ART3: variants seen among roughly 807,000 people sequenced by gnomAD.
ART3 encodes ecto-ADP-ribosyltransferase 3.
A neutral mutation model predicts 48.5 loss-of-function variants in ART3; 49 were observed. That is an observed-to-expected ratio of 1.01 (90% CI 0.80 to 1.28). ART3 has a LOEUF of 1.28. ART3 is among the 50% of genes most tolerant of loss of function. The pLI, the probability that ART3 is intolerant of heterozygous loss-of-function variation, is 0.00. For synonymous variants in ART3, 145 were observed against 157.2 expected (o/e 0.92, Z 0.58); for missense variants, 438 against 454.3 (o/e 0.96, Z 0.33).
chr4:76,029,137 A>G (rs2149391177), intron 1 of ART3, among the ~76,000 whole-genome samples: 1 of 152,264 alleles, frequency 6.6e-6, no homozygotes. Context: ...TAATTGATTC[A>G]TCATTGGTTG....
chr4:76,072,341 A>C (rs921675819), upstream of ART3, among the ~76,000 whole-genome samples: 3 of 152,218 alleles, frequency 2.0e-5, no homozygotes, highest in Non-Finnish European at 2.9e-5. Flanking sequence ...TAATCTACAA[A>C]AGTCGGATTT....
chr4:76,028,178 A>G (rs1359020393), intron 1 of ART3, among the ~76,000 whole-genome samples: 7 of 91,942 alleles, frequency 7.6e-5, no homozygotes, highest in Non-Finnish European at 8.3e-5. Context: ...ATTTAGAAAA[A>G]AAAAATCAAA....
rs1447938796 is a variant in ART3 at position 76,033,070 on chromosome 4, G to C, written c.-10+21750G>C. ...AATATTTTTATTTTTCAAATGTATG[G>C]GTGCCTATATAGAGAGTACTGCTAT... is the stretch of plus-strand genomic sequence containing the variant. On this transcript the variant is annotated intron_variant, in intron 1 of 9. Transcript: ENST00000341029. Among the ~76,000 whole-genome samples the C allele has an allele frequency of 2.0e-5, 3 of 151,970 alleles. No homozygotes were observed. In the South Asian group the frequency reaches 6.3e-4, roughly 32 times the overall value.
At chr4:76,061,310 T>C (rs1051917806) in intron 1 of ART3, among the ~76,000 whole-genome samples, 1 of 152,164 alleles carries the variant, frequency 6.6e-6, no homozygotes, top group African/African-American at 2.4e-5. Flanking sequence ...TGGGGGTCAG[T>C]TTAAACTCCT....
At chr4:76,071,753 T>C (rs763536335), upstream of ART3, among the ~76,000 whole-genome samples, 2 of 152,238 alleles carry the variant, frequency 1.3e-5, no homozygotes, top group African/African-American at 2.4e-5. Flanking sequence ...GTCTTCTCCA[T>C]GTCAATCAAT....
rs117093237 is a variant in ART3, at chr4:76,088,425, C to T, written c.781+5890C>T. On this transcript the variant is annotated intron_variant, in intron 3 of 11. Transcript: ENST00000355810. ...ATAGAAAGGAGGAGCCTGTAGACTC[C>T]AGTGGCTAGTAGTATTATTTTGTAG... 4.7e-4 allele frequency among the ~76,000 whole-genome samples: 71 copies of T among 152,098 alleles called. 1 individual carries two copies. In the East Asian group the frequency reaches 0.013, roughly 29 times the overall value.
At chr4:76,087,660 T>C (rs1723912012) in intron 3 of ART3, among the ~76,000 whole-genome samples, 1 of 152,210 alleles carries the variant, frequency 6.6e-6, no homozygotes, top group Admixed American at 6.5e-5. Context: ...ATATATATTG[T>C]GAGTTTTTCA....
chr4:76,068,664 A>C (rs115656209), intron 1 of ART3, among the ~76,000 whole-genome samples: 49,100 of 145,276 alleles, frequency 0.34, 9,478 homozygotes, highest in African/African-American at 0.53. Context: ...ATAGAGGATA[A>C]AAAAAAAAAT....
chr4:76,047,080 G>A (rs1735582881), intron 1 of ART3, among the ~76,000 whole-genome samples: 1 of 151,956 alleles, frequency 6.6e-6, no homozygotes. Flanking sequence ...TTCATCCTCT[G>A]GGGCAGTGCA....
upstream of ART3, among the ~76,000 whole-genome samples, chr4:76,074,491 AG>A (rs1720661829): frequency 6.6e-6 from 1 of 152,200 alleles, no homozygotes; most frequent in Non-Finnish European, 1.5e-5. Context: ...CTCTGAGAGA[AG>A]CCCAGAACTG....
intron 2 of ART3, among the ~76,000 whole-genome samples, chr4:76,076,591 C>A (rs147898208): frequency 2.9e-3 from 443 of 152,244 alleles, no homozygotes; most frequent in African/African-American, 9.5e-3. Flanking sequence ...AAAATGGGTT[C>A]ACACTGTACA....
chr4:76,102,638 G>A (rs11097232), intron 8 of ART3, among the ~76,000 whole-genome samples: 78,527 of 147,184 alleles, frequency 0.53, 22,243 homozygotes, highest in East Asian at 0.98. Context: ...ATTGGATATA[G>A]AACTGCATAT....
chr4:76,090,097 T>A (rs1031129990), intron 3 of ART3, among the ~76,000 whole-genome samples: 1 of 152,030 alleles, frequency 6.6e-6, no homozygotes, highest in Non-Finnish European at 1.5e-5. Flanking sequence ...AATAAATAAA[T>A]AAAAATATTC....
At chr4:76,084,391 T>G (rs1319850005) in intron 3 of ART3, among the ~76,000 whole-genome samples, 1 of 152,256 alleles carries the variant, frequency 6.6e-6, no homozygotes, top group Non-Finnish European at 1.5e-5. Context: ...CCTTTAAGCT[T>G]GATTAATAGT....
At chr4:76,035,348 A>C (rs934836960) in intron 1 of ART3, 47 of 1,613,456 alleles carry the variant, frequency 2.9e-5, no homozygotes, top group Non-Finnish European at 3.8e-5. Flanking sequence ...GAAGCCTAGA[A>C]TAGATCATAG....
rs911856683 is a variant in ART3, at chr4:76,045,176, A to G, written c.-9-30705A>G. 3.9e-5 allele frequency among the ~76,000 whole-genome samples: 6 copies of G among 151,908 alleles called. 1 individual carries two copies. Among genetic ancestry groups the G allele is most frequent in the Non-Finnish European group, 8.8e-5 (6 of 67,936 alleles). On this transcript the variant is annotated intron_variant, in intron 1 of 9. Transcript: ENST00000341029. ...TTCACAAATGAACTTCCATCGGTAT[A>G]TAGGTTAAGGTCAGGATTAGTTAAG...
chr4:76,077,325 C>G (rs1379906657), intron 2 of ART3, among the ~76,000 whole-genome samples: 1 of 152,166 alleles, frequency 6.6e-6, no homozygotes, highest in Non-Finnish European at 1.5e-5. Flanking sequence ...ATAATGTTCT[C>G]AGGAGTCCTA....
chr4:76,042,838 G>A (rs7375640), intron 1 of ART3, among the ~76,000 whole-genome samples: 72,469 of 151,434 alleles, frequency 0.48, 18,533 homozygotes, highest in African/African-American at 0.65. Context: ...GGACCTGAGC[G>A]GGTTGCCACT....
chr4:76,081,944 C>A lies in ART3; in HGVS notation c.190C>A (p.Gln64Lys). 1 of 1,614,090 alleles carries A rather than the reference C, an allele frequency of 6.2e-7. No individual in the cohort carries two copies. ...QLLKEEKASH[Q>K]QLDTVWENAK... Reference sequence around the variant, plus strand: ...GCTAAAGGAGGAAAAAGCAAGCCACCAGCAATTAGATACTGTGTGGGAAAA... The same window carrying A: ...GCTAAAGGAGGAAAAAGCAAGCCACAAGCAATTAGATACTGTGTGGGAAAA... Residue 64 changes from glutamine (Q) to lysine (K), a missense_variant, in exon 3 of 12, where the codon CAG (glutamine) becomes AAG (lysine). Transcript: ENST00000355810.
Sources: allele counts gnomAD v4.1 joint callset (sites outside exome capture counted in the v4.1 genomes callset), GRCh38; gene constraint gnomAD v4.1.1; transcripts MANE v1.5; gene names NCBI Gene and HGNC (gene_info 2026-07-23, HGNC 2026-07-21).